CDH11: variants seen among roughly 807,000 people sequenced by gnomAD.
The protein encoded by CDH11 is cadherin-11.
Under a neutral mutation model 67.8 loss-of-function variants are expected in CDH11, and 11 were observed. The ratio of observed to expected loss-of-function variants is 0.16; its 90% CI spans 0.10 to 0.27. The LOEUF is 0.27. CDH11 is among the 10% of genes least tolerant of loss of function. The pLI is 1.00. For missense variants in CDH11, 847 were observed against 1,031.2 expected, an observed-to-expected ratio of 0.82 and a Z score of 2.45; for synonymous variants, 419 against 400.0, an observed-to-expected ratio of 1.05 and a Z score of -0.57.
intron 2 of CDH11, among the ~76,000 whole-genome samples, chr16:65,036,907 G>C (rs1211552449): frequency 6.6e-6 from 1 of 152,160 alleles, no homozygotes; most frequent in African/African-American, 2.4e-5. Flanking sequence ...TTTGAGATGA[G>C]AAGACAAAAG....
At chr16:64,979,779 C>T (rs2072282626) in intron 8 of CDH11, among the ~76,000 whole-genome samples, 1 of 152,100 alleles carries the variant, frequency 6.6e-6, no homozygotes, top group Admixed American at 6.6e-5. Flanking sequence ...GAATGTTCAG[C>T]ATTATCTGTC....
chr16:64,990,336 G>A (rs2072597818), intron 6 of CDH11, among the ~76,000 whole-genome samples: 1 of 152,190 alleles, frequency 6.6e-6, no homozygotes, highest in African/African-American at 2.4e-5. Flanking sequence ...AAAGAGTCTT[G>A]TGTAGATTCT....
intron 11 of CDH11, among the ~76,000 whole-genome samples, chr16:64,964,152 C>T: frequency 6.6e-6 from 1 of 152,204 alleles, no homozygotes; most frequent in East Asian, 1.9e-4. Flanking sequence ...TCATATATAC[C>T]GTCATGAGTT....
chr16:65,044,271 A>G (rs1230363255), intron 2 of CDH11, among the ~76,000 whole-genome samples: 1 of 152,166 alleles, frequency 6.6e-6, no homozygotes, highest in Non-Finnish European at 1.5e-5. Flanking sequence ...AAGACAACTA[A>G]TTGGCGATGT....
chr16:64,990,897 A>G (rs2072613664), intron 6 of CDH11, among the ~76,000 whole-genome samples: 1 of 152,184 alleles, frequency 6.6e-6, no homozygotes, highest in South Asian at 2.1e-4. Flanking sequence ...TAATCCTATT[A>G]ATTAGGTACT....
At position 64,979,714 on chromosome 16, in the gene CDH11, T is replaced by A. The variant is rs1163812487; in HGVS notation, c.1253+2334A>T. Among the ~76,000 whole-genome samples, 4 of 152,150 alleles carry A rather than the reference T, an allele frequency of 2.6e-5. No individual in the cohort carries two copies. The East Asian group carries it at 7.7e-4, about 29-fold the overall frequency. ...TTACCATGTAATCCAGCAATTCCAC[T>A]CCTAGGTATATGCCCAGGAAAGAGG... On this transcript the variant is annotated intron_variant, in intron 8 of 12. Transcript: ENST00000268603.
At chr16:64,969,342 T>G (rs2071937071) in intron 11 of CDH11, among the ~76,000 whole-genome samples, 1 of 152,116 alleles carries the variant, frequency 6.6e-6, no homozygotes, top group Non-Finnish European at 1.5e-5. Context: ...TGTTTGTAGG[T>G]GTCCCATGAT....
At chr16:65,114,768 T>C (rs1044530673) in intron 1 of CDH11, among the ~76,000 whole-genome samples, 1 of 152,110 alleles carries the variant, frequency 6.6e-6, no homozygotes, top group Non-Finnish European at 1.5e-5. Flanking sequence ...CTGGCTGTGA[T>C]TTTGGGTGAG....
chr16:65,054,859 A>C (rs767429512), intron 1 of CDH11, among the ~76,000 whole-genome samples: 2 of 152,152 alleles, frequency 1.3e-5, no homozygotes, highest in Non-Finnish European at 2.9e-5. Flanking sequence ...TTTCTTTCCA[A>C]ATCTCTTTCC....
intron 8 of CDH11, among the ~76,000 whole-genome samples, chr16:64,978,295 CA>C (rs2072235117): frequency 6.6e-6 from 1 of 152,096 alleles, no homozygotes; most frequent in Non-Finnish European, 1.5e-5. Context: ...GTGGAAGGCG[CA>C]GTGATGATCT....
chr16:65,024,387 C>T (rs1391882460), intron 2 of CDH11, among the ~76,000 whole-genome samples: 1 of 152,130 alleles, frequency 6.6e-6, no homozygotes, highest in African/African-American at 2.4e-5. Context: ...AATTCCATTA[C>T]CCAGGCCTTA....
At chr16:65,010,465 C>T (rs2073153827) in intron 2 of CDH11, among the ~76,000 whole-genome samples, 1 of 152,098 alleles carries the variant, frequency 6.6e-6, no homozygotes, top group African/African-American at 2.4e-5. Context: ...TATTGAGTCA[C>T]ACTTCTCAAT....
At chr16:64,965,628 G>A (rs1380022785) in intron 11 of CDH11, among the ~76,000 whole-genome samples, 2 of 152,112 alleles carry the variant, frequency 1.3e-5, no homozygotes, top group African/African-American at 2.4e-5. Flanking sequence ...TAAATAGAAT[G>A]AGTACACTCT....
At chr16:65,027,510 T>A (rs757871316) in intron 2 of CDH11, among the ~76,000 whole-genome samples, 5 of 152,214 alleles carry the variant, frequency 3.3e-5, no homozygotes, top group African/African-American at 4.8e-5. Flanking sequence ...CCAGCATTAC[T>A]TTGTAAAGGA....
intron 11 of CDH11, among the ~76,000 whole-genome samples, chr16:64,958,525 C>A (rs1178198758): frequency 1.3e-5 from 2 of 152,016 alleles, no homozygotes; most frequent in Non-Finnish European, 2.9e-5. Context: ...TCAAACTGTG[C>A]AAAGATTATA....
chr16:64,988,335 T>G lies in CDH11; in HGVS notation c.821A>C (p.Gln274Pro), dbSNP rs774653443. The change falls in exon 7 of 13, where the codon CAG becomes CCG. Residue 274 changes from glutamine to proline, a missense_variant. By Grantham distance (76) the Gln-to-Pro change is moderately conservative (BLOSUM62 -1). Around this residue, in one of 2 missense-constraint regions of CDH11, gnomAD observed 612 missense variants for 678.7 expected, o/e 0.90. Transcript: ENST00000268603. ...GACGGCTGCTTCTGACACAGACATC[T>G]GGTATACGCCTAGAAGAAGAAGACA... Reference protein sequence around the residue: ...NPPKFPQSVYQMSVSEAAVPG... With the variant: ...NPPKFPQSVYPMSVSEAAVPG... 7 of 1,611,340 alleles carry G rather than the reference T, an allele frequency of 4.3e-6. No individual in the cohort carries two copies. In the Admixed American group the frequency reaches 1.2e-4, roughly 27 times the overall value.
In CDH11 at chr16:64,994,468, G is replaced by A. The variant is rs534724871; in HGVS notation, c.524-1434C>T. 1.6e-4 allele frequency among the ~76,000 whole-genome samples: 24 copies of A among 152,066 alleles called. No individual in the cohort carries two copies. In the South Asian group the frequency reaches 3.8e-3, roughly 24 times the overall value. Reference sequence around the variant, plus strand: ...AAGGTATAATAGGTTGCCTGGGTTCGTAAGGCTGATTAGGAGTACAGCCAT... The same window carrying A: ...AAGGTATAATAGGTTGCCTGGGTTCATAAGGCTGATTAGGAGTACAGCCAT... On this transcript the variant is annotated intron_variant, in intron 4 of 12. Coordinates refer to ENST00000268603, the MANE Select transcript of CDH11 (RefSeq NM_001797.4).
intron 2 of CDH11, among the ~76,000 whole-genome samples, chr16:65,016,501 T>A (rs988665809): frequency 5.3e-5 from 8 of 152,228 alleles, no homozygotes; most frequent in Non-Finnish European, 1.0e-4. Context: ...CTCACTTAAT[T>A]AGATTTTCCA....
At chr16:65,047,929 T>C (rs150988840) in intron 2 of CDH11, among the ~76,000 whole-genome samples, 59 of 152,278 alleles carry the variant, frequency 3.9e-4, no homozygotes, top group Middle Eastern at 3.4e-3. Context: ...AGCCCCTCTA[T>C]GTTCTCACAG....
Sources: allele counts gnomAD v4.1 joint callset (sites outside exome capture counted in the v4.1 genomes callset), GRCh38; gene constraint gnomAD v4.1.1; regional missense constraint gnomAD v4.1.1; transcripts MANE v1.5; gene names NCBI Gene and HGNC (gene_info 2026-07-23, HGNC 2026-07-21).